The following FAM120C variants were observed in gnomAD, a reference collection of about 807,000 sequenced individuals.
FAM120C encodes the protein constitutive coactivator of PPAR-gamma-like protein 2.
FAM120C carries 14 observed loss-of-function variants against 71.2 expected under a neutral mutation model. That is an observed-to-expected ratio of 0.20 (90% CI 0.13 to 0.31). The LOEUF is 0.31. Ranked by LOEUF, FAM120C falls within the 10% of genes least tolerant of loss-of-function variation. FAM120C has a pLI of 1.00. For synonymous variants in FAM120C, 354 were observed against 353.2 expected, an observed-to-expected ratio of 1.00 and a Z score of -0.03; for missense variants, 500 against 879.0, an observed-to-expected ratio of 0.57 and a Z score of 5.45.
chrX:54,133,032 CCT>C (rs1557129683), intron 8 of FAM120C, among the ~76,000 whole-genome samples, 169 bp from the exon 9 acceptor site: 14 of 112,608 alleles, frequency 1.2e-4, no homozygotes, highest in Non-Finnish European at 2.2e-4. Context: ...CTGATTGCAG[CCT>C]ACTTATAAGC....
At chrX:54,179,013 C>T (rs920120299) in intron 1 of FAM120C, among the ~76,000 whole-genome samples, 1 of 111,933 alleles carries the variant, frequency 8.9e-6, no homozygotes. Context: ...CCCTTAATCA[C>T]CCTAAATTAT....
chrX:54,070,937 T>C lies in FAM120C; in HGVS notation c.*2096A>G, dbSNP rs782453158. On this transcript the variant is annotated 3_prime_UTR_variant, in exon 16 of 16. Coordinates refer to ENST00000375180, the MANE Select transcript of FAM120C (RefSeq NM_017848.6). Reference sequence around the variant, plus strand: ...GTCTGACACTGTTTTCAATTTCCTATGATCTGGTCATTGTAAGTGGGCAGT... The same window carrying C: ...GTCTGACACTGTTTTCAATTTCCTACGATCTGGTCATTGTAAGTGGGCAGT... 1.8e-5 allele frequency: 2 copies of C among 111,958 alleles called. No homozygotes were observed. Among genetic ancestry groups the C allele is most frequent in the Non-Finnish European group, 3.8e-5 (2 of 53,214 alleles). The allele number at this position is 111,958 out of a possible 1,213,427, so 9.2% of individuals were successfully genotyped here.
intron 11 of FAM120C, among the ~76,000 whole-genome samples, chrX:54,090,331 G>A (rs1440306518): frequency 1.8e-5 from 2 of 108,937 alleles, no homozygotes; most frequent in African/African-American, 3.3e-5. Context: ...TCCCGGGTTC[G>A]AACAATTCTC....
intron 10 of FAM120C, among the ~76,000 whole-genome samples, chrX:54,113,270 TGGC>T (rs1557126037): frequency 9.3e-6 from 1 of 107,975 alleles, no homozygotes; most frequent in Non-Finnish European, 1.9e-5. Context: ...AAGACCAGCC[TGGC>T]CAACATGGTG....
chrX:54,176,219 G>A (rs2067316649), intron 1 of FAM120C, among the ~76,000 whole-genome samples: 1 of 110,904 alleles, frequency 9.0e-6, no homozygotes, highest in South Asian at 3.8e-4. Context: ...GATCACCTGA[G>A]GTCAGGAGTT....
intron 1 of FAM120C, among the ~76,000 whole-genome samples, chrX:54,176,292 G>T (rs1276180408): frequency 2.7e-5 from 3 of 110,265 alleles, no homozygotes; most frequent in African/African-American, 9.9e-5. Flanking sequence ...AATTAGCTGG[G>T]TGTAGTGGCA....
At chrX:54,174,000 G>GT (rs1296628849) in intron 1 of FAM120C, 1 of 470,677 alleles carries the variant, frequency 2.1e-6, no homozygotes, top group African/African-American at 2.4e-5. Context: ...GCTCACTCAC[G>GT]TACGTGGCTG....
chrX:54,069,548 C>G lies in FAM120C; in HGVS notation c.*3485G>C, dbSNP rs2066701379. On this transcript the variant is annotated 3_prime_UTR_variant, in exon 16 of 16. Transcript: ENST00000375180. ...ATCACCATAACCAAACAGCTACCCC[C>G]ACATTCTTTCTATCCTACATAAGCA... is the stretch of plus-strand genomic sequence containing the variant. 1 of 110,191 alleles carries G rather than the reference C, an allele frequency of 9.1e-6. No individual in the cohort carries two copies. Among genetic ancestry groups the G allele is most frequent in the African/African-American group, 3.3e-5 (1 of 30,321 alleles). The allele number at this position is 110,191 out of a possible 1,213,427, so 9.1% of individuals were successfully genotyped here. A position where few individuals can be genotyped will look rare whatever the true frequency, so the allele number is the denominator to read the frequency against.
At chrX:54,116,819 A>C in intron 9 of FAM120C, 25 bp from the exon 10 acceptor site, 1 of 1,198,093 alleles carries the variant, frequency 8.3e-7, no homozygotes, top group Non-Finnish European at 1.1e-6. Flanking sequence ...TTGAGGAAAA[A>C]GAGGCTCTAG....
chrX:54,104,815 GA>G (rs201711141), intron 10 of FAM120C, among the ~76,000 whole-genome samples: 13 of 108,275 alleles, frequency 1.2e-4, no homozygotes, highest in Admixed American at 2.0e-4. Context: ...CTCGGGGGGG[GA>G]AAAAAAAGAA....
chrX:54,077,106 T>G (rs1346428596), intron 15 of FAM120C, among the ~76,000 whole-genome samples: 2 of 109,994 alleles, frequency 1.8e-5, no homozygotes, highest in African/African-American at 6.6e-5. Flanking sequence ...ATATCATTGG[T>G]CTGATTCCAT....
intron 10 of FAM120C, among the ~76,000 whole-genome samples, chrX:54,103,486 T>C (rs2066891968): frequency 1.8e-5 from 2 of 112,299 alleles, no homozygotes; most frequent in South Asian, 7.4e-4. Context: ...TTATAATTAA[T>C]CCATCTGGAA....
rs2066698817 is a variant in FAM120C at position 54,068,879 on chromosome X, A to G, written c.*4154T>C. The G allele has an allele frequency of 9.0e-6, 1 of 111,275 alleles. No individual in the cohort carries two copies. Among genetic ancestry groups the G allele is most frequent in the Non-Finnish European group, 1.9e-5 (1 of 53,068 alleles). The allele number at this position is 111,275 out of a possible 1,213,427, so 9.2% of individuals were successfully genotyped here. A position where few individuals can be genotyped will look rare whatever the true frequency, so the allele number is the denominator to read the frequency against. ...GAGGGGAAGTGCTTTCTGGGAAGCA[A>G]TTAAAATGAAGTCATCAGATTTGGC... On this transcript the variant is annotated 3_prime_UTR_variant, in exon 16 of 16. Coordinates refer to ENST00000375180, the MANE Select transcript of FAM120C (RefSeq NM_017848.6).
At chrX:54,132,150 G>T (rs1278086331) in intron 9 of FAM120C, among the ~76,000 whole-genome samples, 1 of 110,474 alleles carries the variant, frequency 9.1e-6, no homozygotes, top group Non-Finnish European at 1.9e-5. Context: ...TGACCTCCCA[G>T]ACTCAATCAA....
intron 10 of FAM120C, among the ~76,000 whole-genome samples, chrX:54,093,350 G>T (rs2066833538): frequency 8.9e-6 from 1 of 111,828 alleles, no homozygotes; most frequent in Non-Finnish European, 1.9e-5. Flanking sequence ...CAATGCAAGG[G>T]GTGTGATTTT....
chrX:54,117,627 G>A (rs1176882416), intron 9 of FAM120C, among the ~76,000 whole-genome samples: 2 of 108,182 alleles, frequency 1.8e-5, no homozygotes, highest in Admixed American at 1.0e-4. Context: ...GAACCTGGGA[G>A]GCGGAGATTG....
At chrX:54,118,727 A>C (rs1395999657) in intron 9 of FAM120C, among the ~76,000 whole-genome samples, 1 of 31,145 alleles carries the variant, frequency 3.2e-5, no homozygotes, top group African/African-American at 1.7e-4. Context: ...TTTTTTTTTA[A>C]TTATACTCTA....
rs1439722713 is a variant in FAM120C, at chrX:54,071,818, G to C, written c.*1215C>G. The C allele has an allele frequency of 9.1e-6, 1 of 109,909 alleles. No individual in the cohort carries two copies. The highest frequency in any genetic ancestry group is 3.3e-5 in the African/African-American group (1 of 30,268). 9.1% of individuals were successfully genotyped at this position (109,909 alleles called of 1,213,427 possible). A position where few individuals can be genotyped will look rare whatever the true frequency, so the allele number is the denominator to read the frequency against. On this transcript the variant is annotated 3_prime_UTR_variant, in exon 16 of 16. Transcript: ENST00000375180. ...AGCCCATCCAACTTCTCATAGTTGT[G>C]AATGCACTGTGACTTAGTAAGAATT... is the stretch of plus-strand genomic sequence containing the variant.
chrX:54,128,318 C>A (rs1472081164), intron 9 of FAM120C, among the ~76,000 whole-genome samples: 8 of 112,400 alleles, frequency 7.1e-5, no homozygotes, highest in African/African-American at 2.6e-4. Flanking sequence ...CTCAGCCTCC[C>A]AAAGTGCTGG....
Sources: allele counts gnomAD v4.1 joint callset (sites outside exome capture counted in the v4.1 genomes callset), GRCh38; gene constraint gnomAD v4.1.1; transcripts MANE v1.5; gene names NCBI Gene and HGNC (gene_info 2026-07-23, HGNC 2026-07-21).